The following MYO7A variants were observed in gnomAD, a reference collection of about 807,000 sequenced individuals.
The protein encoded by MYO7A is myosin VIIA.
MYO7A carries 210 observed loss-of-function variants against 263.8 expected under a neutral mutation model. The ratio of observed to expected loss-of-function variants is 0.80; its 90% confidence interval spans 0.71 to 0.89. MYO7A has a LOEUF of 0.89. Among genes scored for constraint, MYO7A ranks in the 40% least tolerant of loss-of-function variants. MYO7A has a pLI of 0.00. For missense variants in MYO7A, 2,820 were observed against 2,968.3 expected, an observed-to-expected ratio of 0.95 and a Z score of 1.16; for synonymous variants, 1,239 against 1,197.3, an observed-to-expected ratio of 1.03 and a Z score of -0.72.
intron 30 of MYO7A, 37 bp from the exon 31 acceptor site, chr11:77,192,014 G>C (rs552877730): frequency 1.3e-6 from 2 of 1,578,612 alleles, no homozygotes; most frequent in East Asian, 2.3e-5. Context: ...GTCCTTCCCT[G>C]ACTCTGTGCC....
chr11:77,173,141 C>T (rs889144838), intron 16 of MYO7A, among the ~76,000 whole-genome samples: 1 of 152,214 alleles, frequency 6.6e-6, no homozygotes, highest in Non-Finnish European at 1.5e-5. Context: ...CGACTGCAGA[C>T]AAAGCAGTTT....
chr11:77,205,650 TGGGGCGGGCTCCTGGC>T, intron 40 of MYO7A, 33 bp downstream of exon 40: 1 of 1,610,876 alleles, frequency 6.2e-7, no homozygotes, highest in Non-Finnish European at 8.5e-7. Context: ...GGACAGACAC[TGGGGCGGGCTCCTGGC>T]CACGCGGGGC....
chr11:77,182,859 CTA>C lies in MYO7A; in HGVS notation c.3286-207_3286-206del, dbSNP rs1169423694. 6.4e-4 allele frequency among the ~76,000 whole-genome samples: 97 copies of C among 152,326 alleles called. 1 individual carries two copies. Among genetic ancestry groups the C allele is most frequent in the African/African-American group, 2.3e-3 (95 of 41,572 alleles). On this transcript the variant is annotated intron_variant, in intron 25 of 48. Transcript: ENST00000409709. Reference sequence around the variant, plus strand: ...TTTGCAGTTGGAGCCAGCTCCCGTACTATGTTTTTCTGAGTCTCAGTTTTCCT... The same window carrying C: ...TTTGCAGTTGGAGCCAGCTCCCGTACTGTTTTTCTGAGTCTCAGTTTTCCT...
Position 77,175,910 on chromosome 11 carries a change from G to A in MYO7A, c.2187+446G>A, listed in dbSNP as rs151240086. On this transcript the variant is annotated intron_variant, in intron 18 of 48. Coordinates refer to ENST00000409709, the MANE Select transcript of MYO7A (RefSeq NM_000260.4). ...GGGGTCCGCAGCATGCCACCTGTCC[G>A]TCACTCTGTAGGGAGCTCAGCTCCC... 6.1e-3 allele frequency among the ~76,000 whole-genome samples: 922 copies of A among 152,332 alleles called. 13 individuals are homozygous for A. The highest frequency in any genetic ancestry group is 0.021 in the African/African-American group (878 of 41,564).
chr11:77,142,521 T>C (rs1555051203), intron 2 of MYO7A, 188 bp from the exon 3 acceptor site: 5 of 659,424 alleles, frequency 7.6e-6, no homozygotes, highest in South Asian at 7.5e-5. Flanking sequence ...ATTGATGAGA[T>C]TGCATAAATG....
chr11:77,174,969 C>T (rs2135426641), intron 17 of MYO7A, 55 bp downstream of exon 17: 1 of 1,588,462 alleles, frequency 6.3e-7, no homozygotes, highest in East Asian at 2.3e-5. Flanking sequence ...TTTGGCTGGG[C>T]AAGGGTCCCA....
chr11:77,183,134 A>T lies in MYO7A; in HGVS notation c.3352A>T (p.Lys1118Ter). Reference protein sequence around the residue: ...RHKLVHLTLKKKSKLTEEVTK... With the variant: ...RHKLVHLTLK The stretch of plus-strand genomic sequence containing the variant: ...CAAGCTGGTGCATTTGACTCTGAAA[A>T]AGAAGTCCAAGCTCACAGAGGAGGT... The change falls in exon 26 of 49, where the codon AAG becomes TAG. Residue 1118 changes from lysine to a stop codon, truncating the protein, a stop_gained. Transcript: ENST00000409709. LOFTEE classifies it high-confidence loss of function. 2 of 1,552,304 alleles carry T rather than the reference A, an allele frequency of 1.3e-6. No individual in the cohort carries two copies. Among genetic ancestry groups the T allele is most frequent in the Non-Finnish European group, 8.7e-7 (1 of 1,147,712 alleles).
chr11:77,173,882 T>C (rs1238655819), intron 16 of MYO7A, among the ~76,000 whole-genome samples: 3 of 151,574 alleles, frequency 2.0e-5, no homozygotes, highest in African/African-American at 4.9e-5. Flanking sequence ...ATGCAGGGGG[T>C]GCAGGGGACT....
chr11:77,141,676 G>T (rs535334665), intron 2 of MYO7A, among the ~76,000 whole-genome samples: 7 of 152,206 alleles, frequency 4.6e-5, no homozygotes, highest in Non-Finnish European at 1.0e-4. Flanking sequence ...TCTGCCGCAG[G>T]GCCTTTGCAT....
chr11:77,146,037 G>A (rs782032312), intron 3 of MYO7A, among the ~76,000 whole-genome samples: 5 of 152,242 alleles, frequency 3.3e-5, no homozygotes, highest in Non-Finnish European at 7.3e-5. Context: ...CGTGGCCTGA[G>A]ATGTGGCCCT....
At chr11:77,208,957 A>G in intron 44 of MYO7A, 154 bp downstream of exon 44, 1 of 649,512 alleles carries the variant, frequency 1.5e-6, no homozygotes, top group Non-Finnish European at 2.7e-6. Context: ...GCCCCAAGGG[A>G]TGGCCCAACC....
intron 2 of MYO7A, among the ~76,000 whole-genome samples, chr11:77,136,812 A>C (rs1308082733): frequency 2.0e-5 from 3 of 152,172 alleles, no homozygotes; most frequent in Non-Finnish European, 4.4e-5. Flanking sequence ...GATTGAAACT[A>C]AGCCATCTGA....
intron 3 of MYO7A, among the ~76,000 whole-genome samples, chr11:77,146,891 G>A (rs1951609117): frequency 6.6e-6 from 1 of 152,114 alleles, no homozygotes; most frequent in Non-Finnish European, 1.5e-5. Flanking sequence ...AGGGCCCTGA[G>A]GAAACCAGGG....
chr11:77,130,499 G>A lies in MYO7A; in HGVS notation c.-46-90G>A. 1.0e-5 allele frequency: 10 copies of A among 960,574 alleles called. No homozygotes were observed. The South Asian group carries it at 1.5e-4, about 14-fold the overall frequency. 59.5% of individuals were successfully genotyped at this position (960,574 alleles called of 1,614,324 possible). On this transcript the variant is annotated intron_variant, in intron 1 of 48. Transcript: ENST00000409709. ...TTCCCTTGAGGGAGGAGGAGCTGGG[G>A]CTTTGGGAGGAGCCCAGGTGACCCC...
intron 1 of MYO7A, among the ~76,000 whole-genome samples, chr11:77,129,350 GT>G (rs1217477602): frequency 6.6e-6 from 1 of 152,248 alleles, no homozygotes; most frequent in Non-Finnish European, 1.5e-5. Flanking sequence ...CAGGGCAGGG[GT>G]CAGGGCTCGG....
chr11:77,186,930 C>T (rs537157262), intron 27 of MYO7A, among the ~76,000 whole-genome samples: 32 of 152,238 alleles, frequency 2.1e-4, no homozygotes, highest in African/African-American at 6.7e-4. Flanking sequence ...AAATGTGCGA[C>T]GCTTCCTTTC....
chr11:77,154,546 G>C (rs797028831), intron 4 of MYO7A, among the ~76,000 whole-genome samples: 13 of 152,298 alleles, frequency 8.5e-5, no homozygotes, highest in African/African-American at 3.1e-4. Context: ...GGTGAGTGTG[G>C]CACAGAGAGC....
At chr11:77,132,895 C>A (rs1555046426) in intron 2 of MYO7A, among the ~76,000 whole-genome samples, 1 of 152,220 alleles carries the variant, frequency 6.6e-6, no homozygotes, top group African/African-American at 2.4e-5. Flanking sequence ...ATGGAGCCCA[C>A]TGGGCCCGGC....
At position 77,181,455 on chromosome 11, in the gene MYO7A, G is replaced by A; in HGVS notation, c.2770G>A (p.Glu924Lys). ...KEKEAARRKKELLEQMERARH... is the reference protein window; with the variant it reads ...KEKEAARRKKKLLEQMERARH... ...GAAGGAGGCCGCTCGGCGGAAGAAGGAGCTCCTGGAGCAGATGGAAAGGGC... is the reference window on the plus strand; with the variant it reads ...GAAGGAGGCCGCTCGGCGGAAGAAGAAGCTCCTGGAGCAGATGGAAAGGGC... The change falls in exon 23 of 49, where the codon GAG becomes AAG. Residue 924 changes from glutamate (E) to lysine (K), a missense_variant. Transcript: ENST00000409709. 3 of 1,609,918 alleles carry A rather than the reference G, an allele frequency of 1.9e-6. No individual in the cohort carries two copies. Among genetic ancestry groups the A allele is most frequent in the Non-Finnish European group, 2.5e-6 (3 of 1,178,572 alleles).
Sources: gnomAD v4.1 joint callset for allele counts (sites outside exome capture counted in the v4.1 genomes callset) on GRCh38, gnomAD v4.1.1 for gene constraint, MANE v1.5 for transcripts, NCBI Gene and HGNC (gene_info 2026-07-23, HGNC 2026-07-21) for gene names.